Variants in FIS1 observed in about 807,000 individuals in gnomAD.
FIS1 encodes the protein fission, mitochondrial 1.
A neutral mutation model predicts 21.6 loss-of-function variants in FIS1; 16 were observed. That is an observed-to-expected ratio of 0.74 (90% CI 0.50 to 1.12). The LOEUF is 1.12. Among genes scored for constraint, FIS1 ranks in the 50% most tolerant of loss-of-function variants. The probability of loss-of-function intolerance (pLI) is 0.00; values close to 1 mark genes in which losing one functional copy is unlikely to be tolerated. For synonymous variants in FIS1, 92 were observed against 82.2 expected (o/e 1.12, Z -0.65); for missense variants, 198 against 190.9 (o/e 1.04, Z -0.22).
Position 101,240,223 on chromosome 7 carries a change from C to G in FIS1, c.280G>C (p.Val94Leu), listed in dbSNP as rs1343296006. Reference sequence around the variant, plus strand: ...GGCTCTGTCTGCAGCAACCCGCGGACGTACTTTAAGGCCTTCTCGTATTCC... The same window carrying G: ...GGCTCTGTCTGCAGCAACCCGCGGAGGTACTTTAAGGCCTTCTCGTATTCC... ...LKEYEKALKY[V>L]RGLLQTEPQN... The change falls in exon 4 of 5, where the codon GTC becomes CTC. Residue 94 changes from valine (V) to leucine (L), a missense_variant. Physicochemically the swap from Val to Leu is conservative, Grantham distance 32 (BLOSUM62 1). Coordinates refer to ENST00000223136, the MANE Select transcript of FIS1 (RefSeq NM_016068.3). The G allele has an allele frequency of 1.2e-6, 2 of 1,614,120 alleles. No individual in the cohort carries two copies. Among genetic ancestry groups the G allele is most frequent in the Middle Eastern group, 1.6e-4 (1 of 6,084 alleles).
At chr7:101,244,454 G>C (rs1479287097) in intron 1 of FIS1, 1 of 372,898 alleles carries the variant, frequency 2.7e-6, no homozygotes, top group African/African-American at 2.1e-5. Context: ...TGTCAGAACT[G>C]CTCAACAGCC....
intron 2 of FIS1, 55 bp downstream of exon 2, chr7:101,243,952 C>A: frequency 6.4e-7 from 1 of 1,560,874 alleles, no homozygotes; most frequent in Non-Finnish European, 8.7e-7. Context: ...ACTACGGGGC[C>A]CACATCGCAG....
intron 4 of FIS1, 98 bp downstream of exon 4, chr7:101,240,044 G>A: frequency 7.0e-7 from 1 of 1,437,314 alleles, no homozygotes; most frequent in East Asian, 2.3e-5. Flanking sequence ...TGGAAGGGGT[G>A]GGGCTGAGGG....
chr7:101,244,805 C>G (rs986506742), intron 1 of FIS1, 155 bp downstream of exon 1: 1 of 859,814 alleles, frequency 1.2e-6, no homozygotes, highest in Non-Finnish European at 1.8e-6. Context: ...AGCAGGCCCT[C>G]CGGGCAGGAG....
chr7:101,244,980 C>A lies in FIS1; in HGVS notation c.25G>T (p.Val9Leu), dbSNP rs780393859. The change falls in exon 1 of 5, where the codon GTG becomes TTG. Residue 9 changes from valine (V) to leucine (L), a missense_variant. Coordinates refer to ENST00000223136, the MANE Select transcript of FIS1 (RefSeq NM_016068.3). MEAVLNEL[V>L]SVEDLLKFEK... is the part of the protein sequence containing the mutation. ...CTCACCAGCAGGTCCTCCACAGACACCAGCTCGTTCAGCACGGCCTCCATG... is the reference window on the plus strand; with the variant it reads ...CTCACCAGCAGGTCCTCCACAGACAACAGCTCGTTCAGCACGGCCTCCATG... 1 of 1,614,070 alleles carries A rather than the reference C, an allele frequency of 6.2e-7. No individual in the cohort carries two copies. Among genetic ancestry groups the A allele is most frequent in the African/African-American group, 1.3e-5 (1 of 75,080 alleles).
chr7:101,244,766 A>G (rs973992552), intron 1 of FIS1, 194 bp downstream of exon 1: 1 of 643,956 alleles, frequency 1.6e-6, no homozygotes, highest in Non-Finnish European at 2.7e-6. Flanking sequence ...GGCTCAGGAC[A>G]CTACAACTCC....
chr7:101,244,298 C>A (rs970274234), intron 1 of FIS1, among the ~76,000 whole-genome samples, 159 bp from the exon 2 acceptor site: 1 of 152,240 alleles, frequency 6.6e-6, no homozygotes, highest in Non-Finnish European at 1.5e-5. Flanking sequence ...AGGCTTTCGG[C>A]TCCTCCGGGC....
In FIS1 at chr7:101,244,718, CACGG is replaced by C. The variant is rs1393533501; in HGVS notation, c.45+238_45+241del. 105 of 573,002 alleles carry C rather than the reference CACGG, an allele frequency of 1.8e-4. 1 individual carries two copies. The highest frequency in any genetic ancestry group is 1.4e-3 in the Middle Eastern group (3 of 2,170). 35.5% of individuals were successfully genotyped at this position (573,002 alleles called of 1,614,324 possible). A position where few individuals can be genotyped will look rare whatever the true frequency, so the allele number is the denominator to read the frequency against. ...TGATCCCAGATCCCGTCAGTCTAAC[CACGG>C]TCGGGCTCCAGGCCCGTAGTCTGAG... On this transcript the variant is annotated intron_variant, in intron 1 of 4. Coordinates refer to ENST00000223136, the MANE Select transcript of FIS1 (RefSeq NM_016068.3).
intron 1 of FIS1, 136 bp downstream of exon 1, chr7:101,244,824 T>C: frequency 1.9e-5 from 20 of 1,058,728 alleles, no homozygotes; most frequent in Middle Eastern, 3.0e-4. Flanking sequence ...AGCCAGGCGC[T>C]GTGGAGGCTG....
chr7:101,242,487 G>GT (rs67075921), intron 2 of FIS1, among the ~76,000 whole-genome samples: 1,604 of 131,930 alleles, frequency 0.012, 13 homozygotes, highest in South Asian at 0.028. Context: ...TATTTTTATA[G>GT]TTTTTTTTTT....
At chr7:101,241,105 C>T (rs1798741247) in intron 2 of FIS1, 199 bp from the exon 3 acceptor site, 3 of 602,332 alleles carry the variant, frequency 5.0e-6, no homozygotes, top group African/African-American at 3.7e-5. Flanking sequence ...GCTGTGCCAA[C>T]ACCCCAGTGA....
intron 2 of FIS1, 47 bp from the exon 3 acceptor site, chr7:101,240,953 C>T (rs1245278611): frequency 8.9e-6 from 14 of 1,581,464 alleles, no homozygotes; most frequent in Non-Finnish European, 1.2e-5. Flanking sequence ...TTTCCTAATA[C>T]TTTCCTAATA....
Position 101,240,255 on chromosome 7 carries a change from C to CG in FIS1, c.256-9dup, listed in dbSNP as rs759085320. 2 of 1,613,774 alleles carry CG rather than the reference C, an allele frequency of 1.2e-6. No individual in the cohort carries two copies. The highest frequency in any genetic ancestry group is 2.2e-5 in the South Asian group (2 of 91,072). On this transcript the variant is annotated splice_polypyrimidine_tract_variant and intron_variant, in intron 3 of 4. Coordinates refer to ENST00000223136, the MANE Select transcript of FIS1 (RefSeq NM_016068.3). ...TAAGGCCTTCTCGTATTCCTGCGCT[C>CG]GGGGAAACGCGCACGCGTCATACAC...
At position 101,239,758 on chromosome 7, in the gene FIS1, G is replaced by C; in HGVS notation, c.*48C>G. The C allele has an allele frequency of 7.1e-7, 1 of 1,417,240 alleles. No individual in the cohort carries two copies. The highest frequency in any genetic ancestry group is 9.7e-7 in the Non-Finnish European group (1 of 1,028,300). 87.8% of individuals were successfully genotyped at this position (1,417,240 alleles called of 1,614,324 possible). On this transcript the variant is annotated 3_prime_UTR_variant, in exon 5 of 5. Coordinates refer to ENST00000223136, the MANE Select transcript of FIS1 (RefSeq NM_016068.3). The stretch of plus-strand genomic sequence containing the variant: ...GGGAGAACAGGGAAAGGACAGCGAG[G>C]ATGGACAGGCCCTCCTGGAGCGTTC...
rs757671998 is a variant in FIS1 at position 101,244,916 on chromosome 7, C to CG, written c.45+43dup. On this transcript the variant is annotated intron_variant, in intron 1 of 4. Coordinates refer to ENST00000223136, the MANE Select transcript of FIS1 (RefSeq NM_016068.3). ...CCCCTACCTGACTCTCCTCAGGACC[C>CG]GCCCTCCGACCTTCCCTTTCCCTCT... 1.9e-6 allele frequency: 3 copies of CG among 1,612,390 alleles called. No homozygotes were observed. The East Asian group carries it at 6.7e-5, about 36-fold the overall frequency.
Position 101,239,747 on chromosome 7 carries a change from A to T in FIS1, c.*59T>A, listed in dbSNP as rs1798709160. The stretch of plus-strand genomic sequence containing the variant: ...CGGGGGGCAGGGGGAGAACAGGGAA[A>T]GGACAGCGAGGATGGACAGGCCCTC... On this transcript the variant is annotated 3_prime_UTR_variant, in exon 5 of 5. Transcript: ENST00000223136. 4.3e-6 allele frequency: 6 copies of T among 1,403,834 alleles called. No homozygotes were observed. The highest frequency in any genetic ancestry group is 2.0e-5 in the Admixed American group (1 of 51,012). 87.0% of individuals were successfully genotyped at this position (1,403,834 alleles called of 1,614,324 possible).
intron 2 of FIS1, among the ~76,000 whole-genome samples, chr7:101,243,101 G>T (rs956793075): frequency 6.6e-6 from 1 of 152,112 alleles, no homozygotes; most frequent in African/African-American, 2.4e-5. Context: ...TGGTATCTGT[G>T]GGGGTGGGGT....
At position 101,240,233 on chromosome 7, in the gene FIS1, G is replaced by A; in HGVS notation, c.270C>T (p.Ala90=). 6.2e-7 allele frequency: 1 copy of A among 1,614,236 alleles called. No individual in the cohort carries two copies. The highest frequency in any genetic ancestry group is 8.5e-7 in the Non-Finnish European group (1 of 1,180,030). The change falls in exon 4 of 5, where the codon GCC becomes GCT. Residue 90 remains alanine, a synonymous_variant. Transcript: ENST00000223136. ...GCAGCAACCCGCGGACGTACTTTAA[G>A]GCCTTCTCGTATTCCTGCGCTCGGG... ...GNYRLKEYEK[A]LKYVRGLLQT...
intron 2 of FIS1, among the ~76,000 whole-genome samples, chr7:101,243,071 T>A (rs1471247449): frequency 2.0e-5 from 3 of 152,184 alleles, no homozygotes; most frequent in African/African-American, 4.8e-5. Context: ...CGATTTTATA[T>A]ACGGGACTTG....
Sources: gnomAD v4.1 joint callset for allele counts (sites outside exome capture counted in the v4.1 genomes callset) on GRCh38, gnomAD v4.1.1 for gene constraint, MANE v1.5 for transcripts, NCBI Gene and HGNC (gene_info 2026-07-23, HGNC 2026-07-21) for gene names.